Variants in MOG observed in about 807,000 individuals in gnomAD.
MOG encodes myelin oligodendrocyte glycoprotein, also known as myelin-oligodendrocyte glycoprotein.
MOG carries 20 observed loss-of-function variants against 35.9 expected under a neutral mutation model. That is an observed-to-expected ratio of 0.56 (90% confidence interval 0.39 to 0.81). MOG has a LOEUF of 0.81. Among genes scored for constraint, MOG ranks in the 30% least tolerant of loss-of-function variants. MOG has a pLI of 0.00. For missense variants in MOG, 251 were observed against 301.0 expected (o/e 0.83, Z 1.23); for synonymous variants, 92 against 114.3 (o/e 0.80, Z 1.25).
At chr6:29,660,306 G>A (rs1014237366) in intron 2 of MOG, among the ~76,000 whole-genome samples, 3 of 151,610 alleles carry the variant, frequency 2.0e-5, no homozygotes, top group African/African-American at 7.3e-5. Flanking sequence ...CAGATCACAA[G>A]GTCAGGAGAT....
chr6:29,664,210 A>ATT (rs551437905), intron 2 of MOG, among the ~76,000 whole-genome samples: 6,769 of 145,478 alleles, frequency 0.047, 264 homozygotes, highest in East Asian at 0.13. Flanking sequence ...TTATTTATTT[A>ATT]TTTATTTTTT....
chr6:29,660,955 C>A (rs112735397), intron 2 of MOG, among the ~76,000 whole-genome samples: 4 of 151,990 alleles, frequency 2.6e-5, no homozygotes, highest in African/African-American at 7.3e-5. Flanking sequence ...GTGATCCACT[C>A]GCCTCAGCCT....
At chr6:29,665,458 G>A (rs146420255) in intron 2 of MOG, among the ~76,000 whole-genome samples, 40 of 151,996 alleles carry the variant, frequency 2.6e-4, no homozygotes, top group African/African-American at 8.9e-4. Flanking sequence ...GTGGTGTATC[G>A]CCTACAAGCA....
intron 2 of MOG, among the ~76,000 whole-genome samples, chr6:29,660,251 G>A (rs942798398): frequency 5.9e-5 from 9 of 151,790 alleles, no homozygotes; most frequent in East Asian, 1.9e-4. Context: ...GCCCAGCGCC[G>A]TGGCTCACGC....
chr6:29,665,951 C>T (rs1770123071), intron 2 of MOG, among the ~76,000 whole-genome samples: 2 of 151,850 alleles, frequency 1.3e-5, no homozygotes, highest in South Asian at 4.1e-4. Context: ...AACCACTTGT[C>T]ATTCTAAATC....
rs184961797 is a variant in MOG at position 29,666,280 on chromosome 6, G to A, written c.550+15G>A. 117 of 1,491,592 alleles carry A rather than the reference G, an allele frequency of 7.8e-5. No individual in the cohort carries two copies. In the Admixed American group the frequency reaches 1.3e-3, roughly 16 times the overall value. 92.4% of individuals were successfully genotyped at this position (1,491,592 alleles called of 1,614,324 possible). A position where few individuals can be genotyped will look rare whatever the true frequency, so the allele number is the denominator to read the frequency against. ...CAGACTGAGAGGTACAGGGCAGAGG[G>A]TGGGTGGATCAGGATCCTTTCTTTA... On this transcript the variant is annotated intron_variant, in intron 3 of 7. Coordinates refer to ENST00000376917, the MANE Select transcript of MOG (RefSeq NM_206809.4).
intron 2 of MOG, among the ~76,000 whole-genome samples, chr6:29,665,298 G>A (rs1583133702): frequency 1.3e-5 from 2 of 151,850 alleles, no homozygotes; most frequent in East Asian, 2.0e-4. Flanking sequence ...GTTTCTCCAT[G>A]TTGGTCAGGC....
chr6:29,661,760 G>C, intron 2 of MOG: 1 of 970,754 alleles, frequency 1.0e-6, no homozygotes, highest in East Asian at 1.2e-4. Context: ...AGGTTGCAGT[G>C]AGCCAAGATC....
chr6:29,662,699 G>C lies in MOG; in HGVS notation c.436+3033G>C, dbSNP rs1027970312. 6.6e-6 allele frequency among the ~76,000 whole-genome samples: 1 copy of C among 151,898 alleles called. No individual in the cohort carries two copies. The highest frequency in any genetic ancestry group is 2.4e-5 in the African/African-American group (1 of 41,356). The stretch of plus-strand genomic sequence containing the variant: ...TTATTTTGAGACAGGATCTGTCTCT[G>C]TCACCCAGGCTGGAGTGTAGTGGCA... On this transcript the variant is annotated intron_variant, in intron 2 of 7. Transcript: ENST00000376917. The surrounding 1 kb of genome is among the most constrained non-coding windows in gnomAD (Gnocchi z 4.2).
rs1003462409 is a variant in MOG at position 29,662,210 on chromosome 6, G to A, written c.436+2544G>A. The A allele has an allele frequency of 2.4e-5, 24 of 983,962 alleles. No homozygotes were observed. Among genetic ancestry groups the A allele is most frequent in the Admixed American group, 6.2e-5 (1 of 16,222 alleles). The allele number at this position is 983,962 out of a possible 1,614,324, so 61.0% of individuals were successfully genotyped here. Reference sequence around the variant, plus strand: ...TGAAACATAAAAACAAATGCCAGGCGCGGCAGCTCACGCCTGTAATCCCAG... The same window carrying A: ...TGAAACATAAAAACAAATGCCAGGCACGGCAGCTCACGCCTGTAATCCCAG... On this transcript the variant is annotated intron_variant, in intron 2 of 7. Transcript: ENST00000376917. The surrounding 1 kb of genome is among the most constrained non-coding windows in gnomAD (Gnocchi z 4.2).
In MOG at chr6:29,660,234, C is replaced by T. The variant is rs567374186; in HGVS notation, c.436+568C>T. On this transcript the variant is annotated intron_variant, in intron 2 of 7. Transcript: ENST00000376917. ...AAAAACAAAAACAAAAACAAAAAAA[C>T]CCTTGGGCCCAGCGCCGTGGCTCAC... Among the ~76,000 whole-genome samples the T allele has an allele frequency of 2.3e-4, 35 of 152,044 alleles. 1 individual carries two copies. The highest frequency in any genetic ancestry group is 1.8e-3 in the Admixed American group (28 of 15,250).
chr6:29,668,340 T>A (rs1214383208), intron 5 of MOG, among the ~76,000 whole-genome samples: 1 of 152,054 alleles, frequency 6.6e-6, no homozygotes, highest in African/African-American at 2.4e-5. Flanking sequence ...TTTCCATGAG[T>A]ACAGAACATG....
In MOG at chr6:29,670,813, T is replaced by A; in HGVS notation, c.730+92T>A. Reference sequence around the variant, plus strand: ...GAGGAAGAGGCGGGCTATTGAGGGATCACATTCCCAGAGGAAAGGAGGAGC... The same window carrying A: ...GAGGAAGAGGCGGGCTATTGAGGGAACACATTCCCAGAGGAAAGGAGGAGC... On this transcript the variant is annotated intron_variant, in intron 7 of 7. Coordinates refer to ENST00000376917, the MANE Select transcript of MOG (RefSeq NM_206809.4). This position sits in a 1 kb window ranked among gnomAD's most constrained non-coding sequence, Gnocchi z 4.2. 6.3e-7 allele frequency: 1 copy of A among 1,587,882 alleles called. No homozygotes were observed. The highest frequency in any genetic ancestry group is 8.6e-7 in the Non-Finnish European group (1 of 1,166,152).
At chr6:29,666,427 T>C (rs1770234229) in intron 3 of MOG, among the ~76,000 whole-genome samples, 162 bp downstream of exon 3, 1 of 152,222 alleles carries the variant, frequency 6.6e-6, no homozygotes, top group African/African-American at 2.4e-5. Context: ...GAAAGAGTTT[T>C]ACATCTTACG....
rs571172283 is a variant in MOG, at chr6:29,671,057, T to C, written c.731-115T>C. ...AGTGCCTCACCTCTCAGATCAACCA[T>C]TGAGGCAGGAATGGAGACAAGATGA... On this transcript the variant is annotated intron_variant, in intron 7 of 7. Transcript: ENST00000376917. The C allele has an allele frequency of 3.3e-5, 54 of 1,612,366 alleles. No individual in the cohort carries two copies. In the African/African-American group the frequency reaches 4.5e-4, roughly 14 times the overall value.
intron 2 of MOG, among the ~76,000 whole-genome samples, chr6:29,664,968 A>G (rs1016776602): frequency 2.6e-5 from 4 of 152,186 alleles, no homozygotes; most frequent in Non-Finnish European, 5.9e-5. Flanking sequence ...AGTTATCAAA[A>G]TATTAAATTA....
At chr6:29,661,627 C>G (rs1768765551) in intron 2 of MOG, 1 of 871,786 alleles carries the variant, frequency 1.1e-6, no homozygotes, top group African/African-American at 1.8e-5. Context: ...TCGAGACTAG[C>G]CTGACCAACA....
chr6:29,669,697 G>A (rs928093398), intron 5 of MOG, among the ~76,000 whole-genome samples: 1 of 152,226 alleles, frequency 6.6e-6, no homozygotes, highest in African/African-American at 2.4e-5. Context: ...TGGTAATTAA[G>A]TCACAGGTAC....
chr6:29,667,714 A>C (rs1414477763), intron 4 of MOG, 51 bp downstream of exon 4: 1 of 1,608,590 alleles, frequency 6.2e-7, no homozygotes, highest in Non-Finnish European at 8.5e-7. Flanking sequence ...GTTTTTTGGC[A>C]TAACGGAAAT....
Sources: allele counts gnomAD v4.1 joint callset (sites outside exome capture counted in the v4.1 genomes callset), GRCh38; gene constraint gnomAD v4.1.1; non-coding constraint Gnocchi (gnomAD v3.1); transcripts MANE v1.5; gene names NCBI Gene and HGNC (gene_info 2026-07-23, HGNC 2026-07-21).